The following KCNIP4 variants were observed in gnomAD, a reference collection of about 807,000 sequenced individuals.
KCNIP4 encodes the protein Kv channel-interacting protein 4.
KCNIP4 carries 12 observed loss-of-function variants against 34.0 expected under a neutral mutation model. The observed-to-expected ratio is 0.35, with a 90% CI of 0.23 to 0.57. The LOEUF is 0.57. Ranked by LOEUF, KCNIP4 falls within the 20% of genes least tolerant of loss-of-function variation. The pLI, the probability that KCNIP4 is intolerant of heterozygous loss-of-function variation, is 0.83. For missense variants in KCNIP4, 238 were observed against 311.7 expected (o/e 0.76, Z 1.78); for synonymous variants, 124 against 102.2 (o/e 1.21, Z -1.29).
chr4:21,052,866 T>C (rs781649266), intron 1 of KCNIP4, among the ~76,000 whole-genome samples: 19 of 151,822 alleles, frequency 1.3e-4, no homozygotes, highest in Non-Finnish European at 2.9e-5. Context: ...GCTGGAAGGG[T>C]GTAGGTTGCT....
intron 1 of KCNIP4, among the ~76,000 whole-genome samples, chr4:21,810,030 A>T (rs1721530910): frequency 1.3e-5 from 2 of 152,084 alleles, no homozygotes; most frequent in Admixed American, 1.3e-4. Flanking sequence ...ACAAGCAAAG[A>T]CTCCAGAGTC....
intron 3 of KCNIP4, among the ~76,000 whole-genome samples, chr4:20,840,819 C>T (rs535920348): frequency 1.3e-5 from 2 of 152,066 alleles, no homozygotes; most frequent in East Asian, 3.9e-4. Context: ...TGCTGGATAC[C>T]AACACCCCCA....
chr4:21,248,182 A>G (rs982587802), intron 1 of KCNIP4, among the ~76,000 whole-genome samples: 4 of 151,570 alleles, frequency 2.6e-5, no homozygotes, highest in African/African-American at 9.7e-5. Context: ...GAGCAACCAT[A>G]CTCAGGCGTA....
chr4:21,865,056 G>C (rs1182096376), intron 1 of KCNIP4, among the ~76,000 whole-genome samples: 1 of 151,940 alleles, frequency 6.6e-6, no homozygotes, highest in Non-Finnish European at 1.5e-5. Context: ...ATGGTCCCAA[G>C]GAGCTATAAG....
chr4:21,687,570 C>A (rs1750911615), intron 1 of KCNIP4, among the ~76,000 whole-genome samples: 1 of 152,140 alleles, frequency 6.6e-6, no homozygotes, highest in Admixed American at 6.5e-5. Context: ...CTTTTACAGA[C>A]ATTTGTAAAT....
intron 1 of KCNIP4, among the ~76,000 whole-genome samples, chr4:21,093,668 A>G (rs920880831): frequency 3.3e-5 from 5 of 152,208 alleles, no homozygotes; most frequent in Non-Finnish European, 7.3e-5. Flanking sequence ...TGGGCTAATG[A>G]TAACGAAGAT....
At position 20,856,112 on chromosome 4, in the gene KCNIP4, G is replaced by A. The variant is rs777491882; in HGVS notation, c.164-5445C>T. Among the ~76,000 whole-genome samples the A allele has an allele frequency of 1.2e-4, 18 of 152,170 alleles. 1 individual carries two copies. The highest frequency in any genetic ancestry group is 1.8e-4 in the Non-Finnish European group (12 of 68,028). On this transcript the variant is annotated intron_variant, in intron 2 of 8. Transcript: ENST00000382152. ...TGGGTCCTGAGATAGAAAAGATGAT[G>A]GAAAATGTTGCTTTTAGACTGCTGT...
chr4:21,092,002 C>T (rs1392812605), intron 1 of KCNIP4, among the ~76,000 whole-genome samples: 4 of 152,094 alleles, frequency 2.6e-5, no homozygotes, highest in Non-Finnish European at 5.9e-5. Context: ...CAGCAACTGG[C>T]CAAGCCACAC....
intron 1 of KCNIP4, among the ~76,000 whole-genome samples, chr4:20,955,601 C>A (rs1376908264): frequency 6.6e-6 from 1 of 151,880 alleles, no homozygotes; most frequent in East Asian, 1.9e-4. Context: ...CCCATTCAAT[C>A]CAAAATACTG....
intron 1 of KCNIP4, among the ~76,000 whole-genome samples, chr4:21,368,167 G>A (rs1719974755): frequency 6.8e-6 from 1 of 146,766 alleles, no homozygotes; most frequent in Non-Finnish European, 1.5e-5. Flanking sequence ...GATACCTACT[G>A]AGTTGCAGTG....
At chr4:21,715,650 G>A (rs191579447) in intron 1 of KCNIP4, among the ~76,000 whole-genome samples, 5 of 152,118 alleles carry the variant, frequency 3.3e-5, no homozygotes, top group African/African-American at 1.2e-4. Context: ...AATATGAATT[G>A]GATTTCTTAT....
intron 1 of KCNIP4, among the ~76,000 whole-genome samples, chr4:21,126,738 A>G (rs1750653687): frequency 6.6e-6 from 1 of 152,192 alleles, no homozygotes; most frequent in Non-Finnish European, 1.5e-5. Context: ...CTCATGAGAA[A>G]ACCAAGGTCC....
intron 1 of KCNIP4, among the ~76,000 whole-genome samples, chr4:21,410,210 A>G (rs1724364047): frequency 6.6e-6 from 1 of 152,204 alleles, no homozygotes. Context: ...AGACTGTAAA[A>G]AAAAGTATAT....
chr4:20,769,191 A>G (rs1755662452), intron 3 of KCNIP4, among the ~76,000 whole-genome samples: 1 of 152,198 alleles, frequency 6.6e-6, no homozygotes, highest in Non-Finnish European at 1.5e-5. Flanking sequence ...ATCTTATAGT[A>G]AAGAAATGAG....
In KCNIP4 at chr4:20,813,889, C is replaced by T. The variant is rs904504414; in HGVS notation, c.288+36654G>A. On this transcript the variant is annotated intron_variant, in intron 3 of 8. Transcript: ENST00000382152. Reference sequence around the variant, plus strand: ...AATTATTTGCCGACAATTTTTCAGCCAGCACATGCTTTTTTATTTAGCTGG... The same window carrying T: ...AATTATTTGCCGACAATTTTTCAGCTAGCACATGCTTTTTTATTTAGCTGG... Among the ~76,000 whole-genome samples, 4 of 152,162 alleles carry T rather than the reference C, an allele frequency of 2.6e-5. No individual in the cohort carries two copies. The South Asian group carries it at 6.2e-4, about 24-fold the overall frequency.
In KCNIP4 at chr4:20,729,880, C is replaced by T; in HGVS notation, c.*202G>A. 4.1e-6 allele frequency: 2 copies of T among 485,692 alleles called. No individual in the cohort carries two copies. Among genetic ancestry groups the T allele is most frequent in the Non-Finnish European group, 7.1e-6 (2 of 282,494 alleles). The allele number at this position is 485,692 out of a possible 1,614,324, so 30.1% of individuals were successfully genotyped here. ...GAAATGAGTTAGACCATCCCCTGAACTCAGTGGCATTATGAAAAGGATGCA... is the reference window on the plus strand; with the variant it reads ...GAAATGAGTTAGACCATCCCCTGAATTCAGTGGCATTATGAAAAGGATGCA... On this transcript the variant is annotated 3_prime_UTR_variant, in exon 9 of 9. Coordinates refer to ENST00000382152, the MANE Select transcript of KCNIP4 (RefSeq NM_025221.6).
chr4:21,448,930 G>C (rs1728273276), intron 1 of KCNIP4, among the ~76,000 whole-genome samples: 2 of 152,196 alleles, frequency 1.3e-5, no homozygotes, highest in African/African-American at 4.8e-5. Context: ...CTGAAACGGA[G>C]AGAGACAAGG....
intron 3 of KCNIP4, among the ~76,000 whole-genome samples, chr4:20,843,260 T>A (rs2149474316): frequency 6.6e-6 from 1 of 152,050 alleles, no homozygotes; most frequent in Non-Finnish European, 1.5e-5. Flanking sequence ...CAAAATAATC[T>A]CTCCACACAG....
intron 1 of KCNIP4, among the ~76,000 whole-genome samples, chr4:21,198,347 CAGAG>C (rs1182420528): frequency 6.6e-6 from 1 of 152,132 alleles, no homozygotes; most frequent in East Asian, 1.9e-4. Context: ...ATAATGAGAA[CAGAG>C]AGACATAATT....
Sources: allele counts gnomAD v4.1 joint callset (sites outside exome capture counted in the v4.1 genomes callset), GRCh38; gene constraint gnomAD v4.1.1; transcripts MANE v1.5; gene names NCBI Gene and HGNC (gene_info 2026-07-23, HGNC 2026-07-21).